HDAC8: variants seen among roughly 807,000 people sequenced by gnomAD.
HDAC8 encodes the protein histone deacetylase-like 1.
A neutral mutation model predicts 32.2 loss-of-function variants in HDAC8; 1 was observed. The ratio of observed to expected loss-of-function variants is 0.03; its 90% CI spans 0.01 to 0.15. The LOEUF (loss-of-function observed/expected upper bound fraction) is 0.15, where lower values mean the gene tolerates loss of function less well. Ranked by LOEUF, HDAC8 falls within the 10% of genes least tolerant of loss-of-function variation. The pLI is 1.00. For synonymous variants in HDAC8, 108 were observed against 113.9 expected (o/e 0.95, Z 0.33); for missense variants, 117 against 300.0 (o/e 0.39, Z 4.51).
At chrX:72,375,324 G>A (rs1275133050) in intron 9 of HDAC8, among the ~76,000 whole-genome samples, 1 of 112,112 alleles carries the variant, frequency 8.9e-6, no homozygotes, top group Non-Finnish European at 1.9e-5. Flanking sequence ...GATTTATTGT[G>A]AGGAACTGGC....
chrX:72,479,145 G>T (rs1240012595), intron 7 of HDAC8, among the ~76,000 whole-genome samples: 1 of 111,672 alleles, frequency 9.0e-6, no homozygotes, highest in African/African-American at 3.3e-5. Flanking sequence ...CATCAGTCTC[G>T]GCAGCTGCTA....
intron 9 of HDAC8, among the ~76,000 whole-genome samples, chrX:72,394,895 A>G (rs1555965155): frequency 9.0e-6 from 1 of 111,456 alleles, no homozygotes; most frequent in African/African-American, 3.3e-5. Flanking sequence ...TTTTCACCAT[A>G]AAATGGAAAC....
At chrX:72,413,920 A>T (rs1182741397) in intron 9 of HDAC8, among the ~76,000 whole-genome samples, 1 of 112,027 alleles carries the variant, frequency 8.9e-6, no homozygotes, top group East Asian at 2.8e-4. Flanking sequence ...CTTACGATAA[A>T]TCACCTTCTT....
intron 4 of HDAC8, among the ~76,000 whole-genome samples, chrX:72,563,095 T>C (rs2051640846): frequency 1.8e-5 from 2 of 110,274 alleles, no homozygotes; most frequent in African/African-American, 6.6e-5. Flanking sequence ...TTGGCCAGGC[T>C]GGTCTTGAAC....
Position 72,363,067 on chromosome X carries a change from G to A in HDAC8, c.1006-11229C>T, listed in dbSNP as rs145462488. ...AGACAGGAAAGACAAGGGCAGGGTG[G>A]CAGGGGTCTCCCTGCAGGCCAGAAT... On this transcript the variant is annotated intron_variant, in intron 9 of 10. Coordinates refer to ENST00000373573, the MANE Select transcript of HDAC8 (RefSeq NM_018486.3). Among the ~76,000 whole-genome samples, 764 of 110,975 alleles carry A rather than the reference G, an allele frequency of 6.9e-3. 8 individuals are homozygous for A. The highest frequency in any genetic ancestry group is 0.024 in the African/African-American group (726 of 30,700).
intron 4 of HDAC8, among the ~76,000 whole-genome samples, chrX:72,525,625 A>G (rs1345956798): frequency 2.5e-4 from 27 of 109,185 alleles, no homozygotes; most frequent in Non-Finnish European, 7.6e-5. Flanking sequence ...CATCCTGGCT[A>G]AAACGGTGAA....
At chrX:72,337,735 G>A (rs1223691773) in intron 10 of HDAC8, among the ~76,000 whole-genome samples, 1 of 111,374 alleles carries the variant, frequency 9.0e-6, no homozygotes, top group Non-Finnish European at 1.9e-5. Context: ...TCACTCCTAT[G>A]CTCAAATCCC....
intron 4 of HDAC8, among the ~76,000 whole-genome samples, chrX:72,555,069 A>G (rs1185535241): frequency 8.9e-6 from 1 of 112,341 alleles, no homozygotes; most frequent in African/African-American, 3.2e-5. Flanking sequence ...AGATCACATC[A>G]CAGCACTCTT....
chrX:72,484,491 A>G (rs2048608862), intron 7 of HDAC8, among the ~76,000 whole-genome samples: 1 of 112,461 alleles, frequency 8.9e-6, no homozygotes, highest in South Asian at 3.7e-4. Flanking sequence ...ATTGTTTTTC[A>G]AAACTTTGAA....
chrX:72,417,596 C>T (rs1483339347), intron 9 of HDAC8, among the ~76,000 whole-genome samples: 1 of 111,871 alleles, frequency 8.9e-6, no homozygotes. Context: ...AAAAACATTC[C>T]ATGCTCAGAT....
chrX:72,361,631 T>C (rs1334030024), intron 9 of HDAC8, among the ~76,000 whole-genome samples: 1 of 110,018 alleles, frequency 9.1e-6, no homozygotes, highest in Non-Finnish European at 1.9e-5. Flanking sequence ...GTAGTGTGTG[T>C]GTGCGTGTAT....
chrX:72,355,421 C>T (rs782776478), intron 9 of HDAC8, among the ~76,000 whole-genome samples: 1 of 111,753 alleles, frequency 8.9e-6, no homozygotes, highest in East Asian at 2.8e-4. Flanking sequence ...CTCTCCACCC[C>T]TTCCCCTTTC....
intron 9 of HDAC8, among the ~76,000 whole-genome samples, chrX:72,403,550 G>C (rs1474943370): frequency 5.3e-5 from 6 of 112,651 alleles, no homozygotes; most frequent in African/African-American, 1.9e-4. Flanking sequence ...GAGAGAGCTA[G>C]GTGTGGTGGC....
At chrX:72,432,742 G>C (rs1384296864) in intron 9 of HDAC8, among the ~76,000 whole-genome samples, 1 of 110,622 alleles carries the variant, frequency 9.0e-6, no homozygotes, top group Non-Finnish European at 1.9e-5. Context: ...TATGTTTTGC[G>C]TGTTTTTTAG....
intron 9 of HDAC8, among the ~76,000 whole-genome samples, chrX:72,376,295 T>C (rs958667886): frequency 8.9e-6 from 1 of 112,447 alleles, no homozygotes; most frequent in African/African-American, 3.2e-5. Context: ...ATTTTTTTCT[T>C]AAGTCTACCT....
chrX:72,394,274 G>A (rs1232147230), intron 9 of HDAC8, among the ~76,000 whole-genome samples: 3 of 111,108 alleles, frequency 2.7e-5, no homozygotes, highest in Non-Finnish European at 3.8e-5. Context: ...TGAGGTCGCT[G>A]ACTGGCAAAT....
chrX:72,360,282 G>A (rs112716370), intron 9 of HDAC8, among the ~76,000 whole-genome samples: 7,711 of 109,100 alleles, frequency 0.071, 574 homozygotes, highest in East Asian at 0.22. Context: ...TTGAACCCAG[G>A]AGGCGGAGGT....
chrX:72,487,814 T>C (rs1469254546), intron 7 of HDAC8, among the ~76,000 whole-genome samples: 1 of 108,505 alleles, frequency 9.2e-6, no homozygotes, highest in African/African-American at 3.4e-5. Context: ...TCCTTTTACA[T>C]AGAACTGCAG....
intron 9 of HDAC8, among the ~76,000 whole-genome samples, chrX:72,383,598 C>T (rs976671788): frequency 5.4e-5 from 6 of 111,402 alleles, no homozygotes; most frequent in South Asian, 3.8e-4. Context: ...TGGCCGGGCA[C>T]GGTGGCTCAC....
Sources: allele counts gnomAD v4.1 joint callset (sites outside exome capture counted in the v4.1 genomes callset), GRCh38; gene constraint gnomAD v4.1.1; transcripts MANE v1.5; gene names NCBI Gene and HGNC (gene_info 2026-07-23, HGNC 2026-07-21).